The following TPTE variants were observed in gnomAD, a reference collection of about 807,000 sequenced individuals.
TPTE encodes the protein putative tyrosine-protein phosphatase TPTE.
In TPTE, 59 loss-of-function variants were observed where a neutral mutation model predicts 84.1. That is an observed-to-expected ratio of 0.70 (90% CI 0.57 to 0.87). TPTE has a LOEUF of 0.87. Among genes scored for constraint, TPTE ranks in the 40% least tolerant of loss-of-function variants. The pLI is 0.00. For synonymous variants in TPTE, 130 were observed against 223.5 expected, an observed-to-expected ratio of 0.58 and a Z score of 3.73; for missense variants, 382 against 659.6, an observed-to-expected ratio of 0.58 and a Z score of 4.61.
chr21:10,591,130 G>A (rs1226106918), intron 18 of TPTE, among the ~76,000 whole-genome samples: 4 of 152,306 alleles, frequency 2.6e-5, no homozygotes, highest in Non-Finnish European at 4.4e-5. Context: ...AGCCTCTCCT[G>A]AATGTAAATA....
intron 10 of TPTE, among the ~76,000 whole-genome samples, chr21:10,566,647 A>G (rs1264159523): frequency 2.6e-5 from 4 of 152,310 alleles, no homozygotes; most frequent in Admixed American, 2.6e-4. Flanking sequence ...AATATAGTAC[A>G]TATACACAAG....
At chr21:10,547,871 T>C (rs1365451598) in intron 7 of TPTE, among the ~76,000 whole-genome samples, 1 of 152,310 alleles carries the variant, frequency 6.6e-6, no homozygotes, top group Non-Finnish European at 1.5e-5. Flanking sequence ...CCATCCAGGG[T>C]AAATTCACTC....
chr21:10,593,994 C>A (rs56891699), intron 19 of TPTE, among the ~76,000 whole-genome samples: 4,173 of 143,070 alleles, frequency 0.029, no homozygotes, highest in African/African-American at 0.12. Flanking sequence ...TAGTCATAGA[C>A]TCTAAGCTAA....
intron 1 of TPTE, among the ~76,000 whole-genome samples, chr21:10,522,779 T>C (rs1271354755): frequency 6.6e-6 from 1 of 152,312 alleles, no homozygotes; most frequent in Non-Finnish European, 1.5e-5. Context: ...TGAGGTACAA[T>C]GTGATGTTTC....
At chr21:10,586,544 T>C (rs928053496) in intron 17 of TPTE, among the ~76,000 whole-genome samples, 1 of 152,304 alleles carries the variant, frequency 6.6e-6, no homozygotes, top group African/African-American at 2.4e-5. Context: ...TATTATGCAT[T>C]GTTGAGAACA....
chr21:10,531,960 A>G (rs2074185863), intron 3 of TPTE, among the ~76,000 whole-genome samples: 1 of 152,306 alleles, frequency 6.6e-6, no homozygotes, highest in Admixed American at 6.5e-5. Flanking sequence ...TGTCAATGAC[A>G]TATATCCACA....
At chr21:10,562,141 C>A (rs2074818901) in intron 10 of TPTE, among the ~76,000 whole-genome samples, 1 of 152,310 alleles carries the variant, frequency 6.6e-6, no homozygotes, top group Admixed American at 6.5e-5. Context: ...ACCATTAAGG[C>A]AGTACCACTA....
intron 22 of TPTE, among the ~76,000 whole-genome samples, 164 bp downstream of exon 22, chr21:10,602,314 A>T (rs368113208): frequency 0.038 from 5,265 of 139,546 alleles, no homozygotes; most frequent in East Asian, 0.11. Context: ...AATTTAAATA[A>T]TTTTTGTTCA....
At chr21:10,555,239 C>T (rs1395628537) in intron 8 of TPTE, among the ~76,000 whole-genome samples, 5 of 152,398 alleles carry the variant, frequency 3.3e-5, no homozygotes, top group South Asian at 2.1e-4. Context: ...GCCGGAGTCT[C>T]GCTCTGTCAC....
chr21:10,593,654 A>G (rs1448547694), intron 19 of TPTE, among the ~76,000 whole-genome samples: 1 of 152,312 alleles, frequency 6.6e-6, no homozygotes, highest in African/African-American at 2.4e-5. Context: ...CTCATAAATT[A>G]GAAAATTGAG....
chr21:10,556,258 G>T (rs1421218109), intron 8 of TPTE, among the ~76,000 whole-genome samples: 4 of 152,292 alleles, frequency 2.6e-5, no homozygotes, highest in African/African-American at 4.8e-5. Flanking sequence ...GGTTCTCATT[G>T]TTCAATTCCC....
At chr21:10,551,896 A>G (rs941365951) in intron 7 of TPTE, among the ~76,000 whole-genome samples, 36 of 152,300 alleles carry the variant, frequency 2.4e-4, no homozygotes, top group Non-Finnish European at 4.1e-4. Flanking sequence ...AAAACAAGTA[A>G]TGAGATTGAA....
intron 2 of TPTE, among the ~76,000 whole-genome samples, chr21:10,526,273 G>A (rs1297310350): frequency 1.3e-5 from 2 of 152,312 alleles, no homozygotes; most frequent in East Asian, 1.9e-4. Flanking sequence ...AACGAGATGC[G>A]ATAATTTGAA....
intron 7 of TPTE, among the ~76,000 whole-genome samples, chr21:10,548,849 G>A (rs1165642134): frequency 4.6e-5 from 7 of 152,310 alleles, no homozygotes; most frequent in East Asian, 1.9e-4. Context: ...CTGTGTGCCT[G>A]CATCCTGGGC....
intron 1 of TPTE, among the ~76,000 whole-genome samples, chr21:10,523,938 T>G (rs1190943622): frequency 1.3e-5 from 2 of 152,308 alleles, no homozygotes; most frequent in African/African-American, 4.8e-5. Flanking sequence ...TTCCTATTTC[T>G]CCACATCCTC....
intron 14 of TPTE, among the ~76,000 whole-genome samples, chr21:10,575,826 GAA>G (rs61122354): frequency 6.7e-6 from 1 of 148,258 alleles, no homozygotes; most frequent in African/African-American, 2.5e-5. Flanking sequence ...ACAAAAATAT[GAA>G]AAAAAAAAAC....
intron 4 of TPTE, among the ~76,000 whole-genome samples, chr21:10,539,996 GA>G (rs2032609909): frequency 1.3e-5 from 2 of 152,310 alleles, no homozygotes; most frequent in African/African-American, 2.4e-5. Context: ...GTGACTGAGT[GA>G]GACTCTGTCT....
chr21:10,587,341 A>G (rs2075384651), intron 17 of TPTE, among the ~76,000 whole-genome samples: 1 of 152,304 alleles, frequency 6.6e-6, no homozygotes, highest in Non-Finnish European at 1.5e-5. Flanking sequence ...AAGACCCAAT[A>G]GTTAGTTTTT....
At chr21:10,560,557 G>C (rs1324677541) in intron 9 of TPTE, among the ~76,000 whole-genome samples, 1 of 152,304 alleles carries the variant, frequency 6.6e-6, no homozygotes, top group Non-Finnish European at 1.5e-5. Flanking sequence ...TGTTGAAAAT[G>C]TCACTGATGA....
Sources: allele counts gnomAD v4.1 joint callset (sites outside exome capture counted in the v4.1 genomes callset), GRCh38; gene constraint gnomAD v4.1.1; transcripts MANE v1.5; gene names NCBI Gene and HGNC (gene_info 2026-07-23, HGNC 2026-07-21).